The following MACROD2 variants were observed in gnomAD, a reference collection of about 807,000 sequenced individuals.
MACROD2 encodes the protein ADP-ribose glycohydrolase MACROD2.
A neutral mutation model predicts 70.4 loss-of-function variants in MACROD2; 36 were observed. That is an observed-to-expected ratio of 0.51 (90% CI 0.39 to 0.68). The LOEUF is 0.68. Ranked by LOEUF, MACROD2 falls within the 30% of genes least tolerant of loss-of-function variation. The pLI, the probability that MACROD2 is intolerant of heterozygous loss-of-function variation, is 0.00. For synonymous variants in MACROD2, 172 were observed against 178.8 expected, an observed-to-expected ratio of 0.96 and a Z score of 0.30; for missense variants, 496 against 538.4, an observed-to-expected ratio of 0.92 and a Z score of 0.78.
intron 5 of MACROD2, among the ~76,000 whole-genome samples, chr20:14,988,867 C>T (rs753867850): frequency 2.6e-4 from 39 of 151,892 alleles, no homozygotes; most frequent in Non-Finnish European, 5.0e-4. Flanking sequence ...CATCAATGTC[C>T]GGAATTTCTG....
Position 14,910,854 on chromosome 20 carries a change from G to C in MACROD2, c.418+225895G>C, listed in dbSNP as rs189146638. ...TGGTATGTCACTTGATATTGATGCT[G>C]TTAATTCCCTAGAGCGAAGTCTTCT... On this transcript the variant is annotated intron_variant, in intron 5 of 17. Transcript: ENST00000684519. Among the ~76,000 whole-genome samples, 218 of 152,184 alleles carry C rather than the reference G, an allele frequency of 1.4e-3. 2 individuals are homozygous for C. Among genetic ancestry groups the C allele is most frequent in the Non-Finnish European group, 2.7e-3 (186 of 67,956 alleles).
intron 5 of MACROD2, among the ~76,000 whole-genome samples, chr20:14,812,964 T>C (rs951288605): frequency 2.6e-5 from 4 of 152,088 alleles, no homozygotes; most frequent in African/African-American, 9.7e-5. Flanking sequence ...CAAAACCTCC[T>C]TCTCAGGTTT....
At chr20:14,468,070 G>A (rs1600270575) in intron 3 of MACROD2, among the ~76,000 whole-genome samples, 1 of 152,076 alleles carries the variant, frequency 6.6e-6, no homozygotes, top group Non-Finnish European at 1.5e-5. Context: ...GTGGTGCTGA[G>A]AAGAATGTAT....
chr20:15,177,460 A>G (rs987677603), intron 5 of MACROD2, among the ~76,000 whole-genome samples: 6 of 152,106 alleles, frequency 3.9e-5, no homozygotes, highest in Non-Finnish European at 5.9e-5. Context: ...GAAAAATACA[A>G]CTCTGCCATT....
chr20:14,711,174 T>C (rs576949954), intron 5 of MACROD2, among the ~76,000 whole-genome samples: 140 of 152,266 alleles, frequency 9.2e-4, no homozygotes, highest in African/African-American at 3.2e-3. Flanking sequence ...GGGTCATGAG[T>C]TTTCTTCCTG....
At chr20:14,844,928 A>G (rs541792738) in intron 5 of MACROD2, among the ~76,000 whole-genome samples, 20 of 151,948 alleles carry the variant, frequency 1.3e-4, no homozygotes, top group Non-Finnish European at 2.5e-4. Context: ...ACATTGAGCT[A>G]TTCTCTATTT....
chr20:14,016,264 A>T (rs1332680335), intron 2 of MACROD2, among the ~76,000 whole-genome samples: 2 of 152,192 alleles, frequency 1.3e-5, no homozygotes, highest in Non-Finnish European at 2.9e-5. Flanking sequence ...TCCATTGTTG[A>T]GTTGGATTTC....
chr20:14,921,874 A>G (rs1179425359), intron 5 of MACROD2, among the ~76,000 whole-genome samples: 1 of 152,186 alleles, frequency 6.6e-6, no homozygotes, highest in Non-Finnish European at 1.5e-5. Flanking sequence ...ATTTCCTGTG[A>G]ATGTACAATC....
At chr20:14,636,213 T>G (rs1600484554) in intron 4 of MACROD2, among the ~76,000 whole-genome samples, 1 of 152,162 alleles carries the variant, frequency 6.6e-6, no homozygotes, top group East Asian at 1.9e-4. Flanking sequence ...CATTTCATTT[T>G]TCATGATAGA....
chr20:14,392,191 A>G (rs1169372134), intron 3 of MACROD2, among the ~76,000 whole-genome samples: 3 of 152,092 alleles, frequency 2.0e-5, no homozygotes, highest in African/African-American at 7.2e-5. Context: ...AACTTGATAT[A>G]TTTCAAGAAT....
At position 14,927,845 on chromosome 20, in the gene MACROD2, C is replaced by T. The variant is rs190106032; in HGVS notation, c.418+242886C>T. ...TATTACTATATGTAAAAAACAACAA[C>T]GACAAAAACTATTGCTTTTTTCTTC... On this transcript the variant is annotated intron_variant, in intron 5 of 17. Transcript: ENST00000684519. 3.3e-5 allele frequency among the ~76,000 whole-genome samples: 5 copies of T among 152,248 alleles called. No homozygotes were observed. In the East Asian group the frequency reaches 9.7e-4, roughly 29 times the overall value.
intron 10 of MACROD2, among the ~76,000 whole-genome samples, chr20:15,891,864 T>C (rs1483557919): frequency 4.6e-5 from 7 of 151,858 alleles, no homozygotes; most frequent in Non-Finnish European, 8.8e-5. Context: ...CTGATGGGAG[T>C]TGAGTGCAGG....
intron 7 of MACROD2, among the ~76,000 whole-genome samples, chr20:15,465,907 G>A (rs2046881538): frequency 6.6e-6 from 1 of 152,172 alleles, no homozygotes; most frequent in South Asian, 2.1e-4. Context: ...CATGCTTAAT[G>A]TATCAGACAG....
At chr20:15,486,961 C>T (rs968048320) in intron 7 of MACROD2, among the ~76,000 whole-genome samples, 4 of 152,208 alleles carry the variant, frequency 2.6e-5, no homozygotes, top group East Asian at 3.8e-4. Context: ...CAAGACTGGG[C>T]TTGGCCTAAC....
At chr20:15,238,983 C>G (rs770398698) in intron 6 of MACROD2, among the ~76,000 whole-genome samples, 4 of 152,102 alleles carry the variant, frequency 2.6e-5, no homozygotes, top group Non-Finnish European at 4.4e-5. Flanking sequence ...ATCTTGAGTG[C>G]TTTATTTTTC....
chr20:14,162,649 T>C (rs1260427017), intron 3 of MACROD2, among the ~76,000 whole-genome samples: 1 of 152,134 alleles, frequency 6.6e-6, no homozygotes, highest in African/African-American at 2.4e-5. Context: ...CTGTTTTGAC[T>C]TAAAATCTGT....
At chr20:14,064,004 C>T (rs557006075) in intron 2 of MACROD2, among the ~76,000 whole-genome samples, 220 of 152,232 alleles carry the variant, frequency 1.4e-3, no homozygotes, top group Non-Finnish European at 2.6e-3. Context: ...TGGAATTATA[C>T]GCAAGAGCCA....
At chr20:15,242,780 T>A (rs1253558725) in intron 6 of MACROD2, among the ~76,000 whole-genome samples, 1 of 152,220 alleles carries the variant, frequency 6.6e-6, no homozygotes, top group East Asian at 1.9e-4. Context: ...AATATTTGCT[T>A]ACAGGTTTTA....
chr20:14,673,136 A>T (rs1010538381), intron 4 of MACROD2, among the ~76,000 whole-genome samples: 1 of 152,190 alleles, frequency 6.6e-6, no homozygotes, highest in Admixed American at 6.5e-5. Context: ...CTTGCTTTCA[A>T]TGCAGACTTT....
Sources: gnomAD v4.1 joint callset for allele counts (sites outside exome capture counted in the v4.1 genomes callset) on GRCh38, gnomAD v4.1.1 for gene constraint, MANE v1.5 for transcripts, NCBI Gene and HGNC (gene_info 2026-07-23, HGNC 2026-07-21) for gene names.